The following CLIP2 variants were observed in gnomAD, a reference collection of about 807,000 sequenced individuals.
CLIP2 encodes the protein CAP-Gly domain containing linker protein 2.
Under a neutral mutation model 111.7 loss-of-function variants are expected in CLIP2, and 41 were observed. The ratio of observed to expected loss-of-function variants is 0.37; its 90% CI spans 0.29 to 0.48. The LOEUF is 0.48. CLIP2 is among the 20% of genes least tolerant of loss of function. The pLI, the probability that CLIP2 is intolerant of heterozygous loss-of-function variation, is 0.99. For missense variants in CLIP2, 1,160 were observed against 1,422.1 expected (o/e 0.82, Z 2.96); for synonymous variants, 660 against 644.2 (o/e 1.02, Z -0.37).
Position 74,338,512 on chromosome 7 carries a change from G to T in CLIP2, c.186G>T (p.Glu62Asp). 6.2e-7 allele frequency: 1 copy of T among 1,610,698 alleles called. No homozygotes were observed. The change falls in exon 3 of 17, where the codon GAG (glutamate) becomes GAT (aspartate). Residue 62 changes from glutamate (E) to aspartate (D), a missense_variant. Glu to Asp is a conservative substitution (Grantham distance 45). Transcript: ENST00000223398. This position sits in a 1 kb window ranked among gnomAD's most constrained non-coding sequence, Gnocchi z 4.3. ...SSSPAAAAAP[E>D]KPGPKAAEVG... Reference sequence around the variant, plus strand: ...CCCCGGCCGCAGCTGCTGCCCCCGAGAAGCCGGGCCCCAAGGCGGCGGAAG... The same window carrying T: ...CCCCGGCCGCAGCTGCTGCCCCCGATAAGCCGGGCCCCAAGGCGGCGGAAG...
chr7:74,350,137 T>C (rs1223159784), intron 3 of CLIP2, among the ~76,000 whole-genome samples: 1 of 152,062 alleles, frequency 6.6e-6, no homozygotes, highest in Non-Finnish European at 1.5e-5. Flanking sequence ...CACTGCAACC[T>C]CCGCCTCCTG....
At chr7:74,351,194 C>T (rs550157061) in intron 3 of CLIP2, among the ~76,000 whole-genome samples, 37 of 151,920 alleles carry the variant, frequency 2.4e-4, no homozygotes, top group African/African-American at 7.0e-4. Flanking sequence ...CGGTGGCTCA[C>T]GCCTATAATC....
chr7:74,403,985 C>T lies in CLIP2; in HGVS notation c.*137C>T. 2 of 951,518 alleles carry T rather than the reference C, an allele frequency of 2.1e-6. No homozygotes were observed. The highest frequency in any genetic ancestry group is 1.3e-5 in the South Asian group (1 of 76,860). 58.9% of individuals were successfully genotyped at this position (951,518 alleles called of 1,614,324 possible). On this transcript the variant is annotated 3_prime_UTR_variant, in exon 17 of 17. Coordinates refer to ENST00000223398, the MANE Select transcript of CLIP2 (RefSeq NM_003388.5). ...GTTTGTAACAATAACGTACTCACCG[C>T]CGCGGACAATCCCCCACCCCGATCC...
At chr7:74,362,261 T>C (rs1239686668) in intron 7 of CLIP2, among the ~76,000 whole-genome samples, 2 of 152,068 alleles carry the variant, frequency 1.3e-5, no homozygotes, top group East Asian at 1.9e-4. Context: ...TGGGATCCTC[T>C]CTACCTCCTA....
At chr7:74,315,132 C>T (rs1201560335) in intron 1 of CLIP2, among the ~76,000 whole-genome samples, 2 of 152,066 alleles carry the variant, frequency 1.3e-5, no homozygotes, top group African/African-American at 4.8e-5. Context: ...AAAAATTAGC[C>T]GGGCGTGGTG....
At chr7:74,336,754 A>T (rs556396620) in intron 2 of CLIP2, among the ~76,000 whole-genome samples, 4 of 151,838 alleles carry the variant, frequency 2.6e-5, no homozygotes, top group Non-Finnish European at 5.9e-5. Context: ...CAGTTTTCTC[A>T]TCTGTGAAAT....
At chr7:74,374,675 G>C (rs756386595) in intron 9 of CLIP2, among the ~76,000 whole-genome samples, 3 of 151,958 alleles carry the variant, frequency 2.0e-5, no homozygotes, top group Non-Finnish European at 4.4e-5. Context: ...GAGCCGAGAT[G>C]GTGCCACTAC....
chr7:74,349,648 G>A (rs1030383060), intron 3 of CLIP2, among the ~76,000 whole-genome samples: 4 of 151,546 alleles, frequency 2.6e-5, no homozygotes, highest in Middle Eastern at 3.4e-3. Context: ...TTGAGATAAA[G>A]TCTCACTCTT....
In CLIP2 at chr7:74,363,808, A is replaced by G. The variant is rs577713951; in HGVS notation, c.1320-447A>G. ...CTACTCAGGAAGCTGAGGCAGGAGA[A>G]TTGCTTGAACCGTGGAGGCAGAGGC... On this transcript the variant is annotated intron_variant, in intron 7 of 16. Coordinates refer to ENST00000223398, the MANE Select transcript of CLIP2 (RefSeq NM_003388.5). Among the ~76,000 whole-genome samples the G allele has an allele frequency of 2.7e-5, 4 of 150,656 alleles. No homozygotes were observed. In the Admixed American group the frequency reaches 2.7e-4, roughly 10 times the overall value.
chr7:74,359,337 A>G (rs1390193962), intron 6 of CLIP2, among the ~76,000 whole-genome samples: 11 of 128,664 alleles, frequency 8.5e-5, no homozygotes, highest in Non-Finnish European at 1.6e-4. Context: ...ATGACTGTCT[A>G]CATTTCAGGT....
At chr7:74,305,864 CACCG>C (rs781946264) in intron 1 of CLIP2, among the ~76,000 whole-genome samples, 162 of 105,054 alleles carry the variant, frequency 1.5e-3, no homozygotes, top group African/African-American at 4.8e-3. Flanking sequence ...AACCCCCCCC[CACCG>C]CCCCTGCTGC....
chr7:74,307,040 C>T (rs1279556875), intron 1 of CLIP2, among the ~76,000 whole-genome samples: 11 of 152,196 alleles, frequency 7.2e-5, no homozygotes, highest in Non-Finnish European at 1.2e-4. Context: ...CTGAGTCACA[C>T]GAGGGCAGGT....
intron 11 of CLIP2, among the ~76,000 whole-genome samples, chr7:74,382,464 C>T (rs1790974527): frequency 6.6e-6 from 1 of 151,080 alleles, no homozygotes; most frequent in East Asian, 1.9e-4. Flanking sequence ...GCCACCATGC[C>T]CTGCTAATTT....
intron 11 of CLIP2, chr7:74,386,240 G>A: frequency 3.8e-6 from 1 of 262,652 alleles, no homozygotes; most frequent in South Asian, 3.9e-5. Context: ...TAGAGACTCG[G>A]TTTCACCATG....
chr7:74,390,363 G>A (rs187792371), intron 13 of CLIP2, among the ~76,000 whole-genome samples: 2 of 151,840 alleles, frequency 1.3e-5, no homozygotes, highest in African/African-American at 4.8e-5. Flanking sequence ...TGTAAGATAC[G>A]AATCCATCTT....
Position 74,338,766 on chromosome 7 carries a change from G to T in CLIP2, c.440G>T (p.Arg147Leu). Residue 147 changes from arginine to leucine, a missense_variant, in exon 3 of 17, where the codon CGG (arginine) becomes CTG (leucine). Arg to Leu is a moderately radical substitution (Grantham distance 102). Transcript: ENST00000223398. The surrounding 1 kb of genome is among the most constrained non-coding windows in gnomAD (Gnocchi z 4.3). ...GIFTRPSKLT[R>L]QPTAEGSGSD... ...TTCACGCGGCCCTCCAAGCTGACCC[G>T]GCAGCCCACGGCCGAGGGCTCGGGG... The T allele has an allele frequency of 6.2e-7, 1 of 1,607,220 alleles. No individual in the cohort carries two copies. The highest frequency in any genetic ancestry group is 8.5e-7 in the Non-Finnish European group (1 of 1,178,406).
At chr7:74,384,441 ATTTTTTTTTTT>A (rs533449196) in intron 11 of CLIP2, among the ~76,000 whole-genome samples, 1 of 98,476 alleles carries the variant, frequency 1.0e-5, no homozygotes, top group Admixed American at 1.1e-4. Context: ...AGGTCATATG[ATTTTTTTTTTT>A]TTTTTTTTTT....
chr7:74,290,872 C>T, intron 1 of CLIP2, among the ~76,000 whole-genome samples: 1 of 152,070 alleles, frequency 6.6e-6, no homozygotes, highest in Admixed American at 6.6e-5. Context: ...TCGGTGTCCC[C>T]AAAAAGTGCA....
intron 3 of CLIP2, among the ~76,000 whole-genome samples, chr7:74,347,742 A>C (rs1418625203): frequency 6.6e-6 from 1 of 152,234 alleles, no homozygotes; most frequent in East Asian, 1.9e-4. Context: ...AACGCCACTG[A>C]ATATGTGACT....
Sources: gnomAD v4.1 joint callset for allele counts (sites outside exome capture counted in the v4.1 genomes callset) on GRCh38, gnomAD v4.1.1 for gene constraint, Gnocchi (gnomAD v3.1) non-coding constraint, MANE v1.5 for transcripts, NCBI Gene and HGNC (gene_info 2026-07-23, HGNC 2026-07-21) for gene names.